TBC1D1: variants seen among roughly 807,000 people sequenced by gnomAD.
TBC1D1 encodes TBC1 (tre-2/USP6, BUB2, cdc16) domain family, member 1.
Under a neutral mutation model 125.6 loss-of-function variants are expected in TBC1D1, and 89 were observed. The observed-to-expected ratio is 0.71, with a 90% CI of 0.60 to 0.85. The LOEUF (loss-of-function observed/expected upper bound fraction) is 0.85. TBC1D1 is among the 40% of genes least tolerant of loss of function. The pLI is 0.00. For synonymous variants in TBC1D1, 565 were observed against 564.1 expected (o/e 1.00, Z -0.02); for missense variants, 1,377 against 1,469.2 (o/e 0.94, Z 1.03).
At chr4:38,104,898 G>A (rs1166268322) in intron 15 of TBC1D1, among the ~76,000 whole-genome samples, 2 of 152,170 alleles carry the variant, frequency 1.3e-5, no homozygotes, top group East Asian at 1.9e-4. Context: ...TGGGACTACA[G>A]GTGCCCGCCA....
chr4:38,109,872 A>G (rs1761945337), intron 15 of TBC1D1, among the ~76,000 whole-genome samples: 1 of 152,218 alleles, frequency 6.6e-6, no homozygotes, highest in African/African-American at 2.4e-5. Context: ...AGCTAAATGC[A>G]ACAATGTGAG....
rs934578489 is a variant in TBC1D1, at chr4:37,995,010, T to G, written c.418-19499T>G. Among the ~76,000 whole-genome samples, 1 of 152,232 alleles carries G rather than the reference T, an allele frequency of 6.6e-6. No individual in the cohort carries two copies. The highest frequency in any genetic ancestry group is 1.5e-5 in the Non-Finnish European group (1 of 68,032). On this transcript the variant is annotated intron_variant, in intron 2 of 19. Coordinates refer to ENST00000261439, the MANE Select transcript of TBC1D1 (RefSeq NM_015173.4). This position sits in a 1 kb window ranked among gnomAD's most constrained non-coding sequence, Gnocchi z 4.3. ...CATGTTCTTGATGTTGGCATTTTTT[T>G]GGTTTTGTTTTGTGGGTATTTTTTT...
intron 2 of TBC1D1, among the ~76,000 whole-genome samples, chr4:38,013,954 G>T (rs889158390): frequency 6.6e-6 from 1 of 152,192 alleles, no homozygotes; most frequent in East Asian, 1.9e-4. Context: ...GGAAATAATG[G>T]TGCTGGGATT....
In TBC1D1 at chr4:37,933,873, A is replaced by G. The variant is rs113587430; in HGVS notation, c.417+31361A>G. On this transcript the variant is annotated intron_variant, in intron 2 of 19. Coordinates refer to ENST00000261439, the MANE Select transcript of TBC1D1 (RefSeq NM_015173.4). ...GTGGCATAGTCTTGTTAATTTGGGG[A>G]AAAAAAAGGCACTTTCAAGCAGAGC... 2.1e-3 allele frequency among the ~76,000 whole-genome samples: 326 copies of G among 151,976 alleles called. 2 individuals carry two copies. Among genetic ancestry groups the G allele is most frequent in the African/African-American group, 6.5e-3 (271 of 41,438 alleles).
intron 2 of TBC1D1, among the ~76,000 whole-genome samples, chr4:37,933,380 T>TAC (rs776533287): frequency 6.6e-6 from 1 of 151,780 alleles, no homozygotes; most frequent in Non-Finnish European, 1.5e-5. Flanking sequence ...TGTTTATATG[T>TAC]ACACACACAC....
intron 12 of TBC1D1, among the ~76,000 whole-genome samples, chr4:38,071,960 C>T (rs1256138932): frequency 1.3e-5 from 2 of 152,310 alleles, no homozygotes; most frequent in African/African-American, 4.8e-5. Flanking sequence ...CTGGTGTTGG[C>T]CGACTGCAGA....
At chr4:37,919,086 T>A (rs200110510) in intron 2 of TBC1D1, among the ~76,000 whole-genome samples, 20 of 143,812 alleles carry the variant, frequency 1.4e-4, no homozygotes, top group Non-Finnish European at 1.5e-4. Context: ...CCCCCATCTT[T>A]AAAAAAAAAA....
intron 2 of TBC1D1, among the ~76,000 whole-genome samples, chr4:37,906,153 T>TC (rs1560461376): frequency 2.7e-5 from 4 of 146,514 alleles, no homozygotes; most frequent in African/African-American, 1.1e-4. Context: ...TCTTTTTCTT[T>TC]TCCCCCCCGC....
At chr4:38,040,621 G>T (rs149054206) in intron 8 of TBC1D1, among the ~76,000 whole-genome samples, 6 of 152,220 alleles carry the variant, frequency 3.9e-5, no homozygotes, top group Non-Finnish European at 8.8e-5. Context: ...AATTCAGCTT[G>T]CTTCACTTTT....
intron 12 of TBC1D1, among the ~76,000 whole-genome samples, chr4:38,085,225 A>G (rs1478250294): frequency 6.6e-6 from 1 of 152,220 alleles, no homozygotes; most frequent in Admixed American, 6.5e-5. Flanking sequence ...TGTCACAGCA[A>G]TGATTTAATA....
chr4:38,129,807 A>G (rs187889800), intron 18 of TBC1D1, among the ~76,000 whole-genome samples: 2 of 152,342 alleles, frequency 1.3e-5, no homozygotes, highest in Non-Finnish European at 2.9e-5. Context: ...CTTATGTAAC[A>G]TATAATGCTT....
chr4:38,005,824 A>AC (rs1560603614), intron 2 of TBC1D1, among the ~76,000 whole-genome samples: 1 of 152,124 alleles, frequency 6.6e-6, no homozygotes, highest in Non-Finnish European at 1.5e-5. Flanking sequence ...CTGGGGAGCA[A>AC]CTCCAGTCCC....
chr4:37,916,922 T>C (rs1315008262), intron 2 of TBC1D1, among the ~76,000 whole-genome samples: 1 of 151,850 alleles, frequency 6.6e-6, no homozygotes, highest in Non-Finnish European at 1.5e-5. Context: ...AGGCACATGC[T>C]ACCACGCCCA....
At chr4:38,071,045 A>C (rs2152510849) in intron 12 of TBC1D1, among the ~76,000 whole-genome samples, 1 of 152,352 alleles carries the variant, frequency 6.6e-6, no homozygotes, top group South Asian at 2.1e-4. Flanking sequence ...GAGTTATTCA[A>C]CTTGGCATGA....
At chr4:38,022,466 C>T (rs79041587) in intron 6 of TBC1D1, among the ~76,000 whole-genome samples, 3,050 of 152,296 alleles carry the variant, frequency 0.02, 54 homozygotes, top group Middle Eastern at 0.051. Flanking sequence ...TCACCCCAGG[C>T]GGTAAAGCCC....
At chr4:37,907,626 A>C (rs1226844223) in intron 2 of TBC1D1, among the ~76,000 whole-genome samples, 1 of 152,194 alleles carries the variant, frequency 6.6e-6, no homozygotes, top group East Asian at 1.9e-4. Context: ...GTTAAAATGT[A>C]GTGTTGCCTT....
At chr4:38,018,328 CT>C in intron 3 of TBC1D1, 25 bp from the exon 4 acceptor site, 1 of 1,548,906 alleles carries the variant, frequency 6.5e-7, no homozygotes, top group Non-Finnish European at 8.9e-7. Context: ...GTTTGAAAAG[CT>C]AGATTTTTTT....
At chr4:38,136,466 G>T (rs868324756) in intron 19 of TBC1D1, among the ~76,000 whole-genome samples, 5 of 152,146 alleles carry the variant, frequency 3.3e-5, no homozygotes, top group Admixed American at 6.5e-5. Flanking sequence ...ACGTAGTGAT[G>T]TCTTGTTCCT....
At chr4:37,928,911 G>T (rs1722701781) in intron 2 of TBC1D1, among the ~76,000 whole-genome samples, 1 of 152,144 alleles carries the variant, frequency 6.6e-6, no homozygotes, top group African/African-American at 2.4e-5. Context: ...TGAACCACAG[G>T]CAAAATTCTC....
Sources: gnomAD v4.1 joint callset for allele counts (sites outside exome capture counted in the v4.1 genomes callset) on GRCh38, gnomAD v4.1.1 for gene constraint, Gnocchi (gnomAD v3.1) non-coding constraint, MANE v1.5 for transcripts, NCBI Gene and HGNC (gene_info 2026-07-23, HGNC 2026-07-21) for gene names.